The following PGCKA1 variants were observed in gnomAD, a reference collection of about 807,000 sequenced individuals.
PGCKA1 encodes PDCD10 and GCKIII kinases-associated protein 1.
the PGCKA1 span, among the ~76,000 whole-genome samples, chr4:37,566,910 T>G: frequency 6.6e-6 from 1 of 152,042 alleles, no homozygotes; most frequent in Non-Finnish European, 1.5e-5. Flanking sequence ...CAAGTCCTTC[T>G]CTTGAGATGA....
At chr4:37,462,962 CAAAA>C in the PGCKA1 span, among the ~76,000 whole-genome samples, 4 of 60,300 alleles carry the variant, frequency 6.6e-5, no homozygotes, top group African/African-American at 2.8e-4. Context: ...GACTCAGTAT[CAAAA>C]AAAAAAAAAA....
At chr4:37,551,767 A>G in the PGCKA1 span, among the ~76,000 whole-genome samples, 1 of 152,200 alleles carries the variant, frequency 6.6e-6, no homozygotes, top group African/African-American at 2.4e-5. Flanking sequence ...TTATAATAGG[A>G]GTTATAATAG....
the PGCKA1 span, among the ~76,000 whole-genome samples, chr4:37,506,805 T>C: frequency 2.6e-5 from 4 of 152,176 alleles, no homozygotes; most frequent in Non-Finnish European, 5.9e-5. Flanking sequence ...ATTTGGTCTA[T>C]AATGCAGATA....
At chr4:37,511,053 A>T in the PGCKA1 span, among the ~76,000 whole-genome samples, 1 of 151,878 alleles carries the variant, frequency 6.6e-6, no homozygotes, top group African/African-American at 2.4e-5. Context: ...AGGGCTCTTC[A>T]GTCAGCTTGT....
chr4:37,581,072 C>T, the PGCKA1 span, among the ~76,000 whole-genome samples: 1 of 152,140 alleles, frequency 6.6e-6, no homozygotes, highest in Admixed American at 6.5e-5. This position sits in a 1 kb window ranked among gnomAD's most constrained non-coding sequence, Gnocchi z 4.4. Flanking sequence ...TCACTTAAGG[C>T]CCAAGGGCTC....
the PGCKA1 span, among the ~76,000 whole-genome samples, chr4:37,468,248 A>C: frequency 6.6e-6 from 1 of 152,206 alleles, no homozygotes; most frequent in African/African-American, 2.4e-5. Context: ...TATCTCACAG[A>C]GACACAGCCA....
chr4:37,546,017 T>A, the PGCKA1 span, among the ~76,000 whole-genome samples: 12 of 152,156 alleles, frequency 7.9e-5, no homozygotes, highest in Non-Finnish European at 1.8e-4. Context: ...TTGTAGTGGC[T>A]GGGAGAAAAA....
At chr4:37,564,306 G>A in the PGCKA1 span, among the ~76,000 whole-genome samples, 1 of 146,902 alleles carries the variant, frequency 6.8e-6, no homozygotes, top group Non-Finnish European at 1.5e-5. Context: ...AAAAAAAACC[G>A]AATATTCTCG....
chr4:37,566,272 T>TTTTTA, the PGCKA1 span, among the ~76,000 whole-genome samples: 66 of 152,028 alleles, frequency 4.3e-4, no homozygotes, highest in African/African-American at 1.6e-3. Context: ...TGTTCTTTTT[T>TTTTTA]TTTTATTTTA....
chr4:37,576,582 G>A, the PGCKA1 span, among the ~76,000 whole-genome samples: 1 of 152,040 alleles, frequency 6.6e-6, no homozygotes, highest in East Asian at 1.9e-4. Flanking sequence ...TCTTTATGTT[G>A]TCTGATTGCT....
the PGCKA1 span, among the ~76,000 whole-genome samples, chr4:37,488,255 T>C: frequency 3.9e-5 from 6 of 152,206 alleles, no homozygotes; most frequent in Non-Finnish European, 7.4e-5. Context: ...AAAGGCAGTG[T>C]ATTTCCTAAA....
the PGCKA1 span, among the ~76,000 whole-genome samples, chr4:37,501,294 G>A: frequency 6.6e-6 from 1 of 152,110 alleles, no homozygotes; most frequent in Non-Finnish European, 1.5e-5. Context: ...GTGGTGGGCA[G>A]GTGAGCGAGC....
the PGCKA1 span, among the ~76,000 whole-genome samples, chr4:37,523,685 A>G: frequency 6.6e-6 from 1 of 152,156 alleles, no homozygotes; most frequent in African/African-American, 2.4e-5. Flanking sequence ...CATGTACATA[A>G]CATTCCTGTC....
chr4:37,496,389 C>T, the PGCKA1 span, among the ~76,000 whole-genome samples: 610 of 152,238 alleles, frequency 4.0e-3, 6 homozygotes, highest in African/African-American at 0.014. Flanking sequence ...TTTTTGTCAG[C>T]TTTATCAAAG....
At chr4:37,590,088 CTA>C in the PGCKA1 span, 4 of 1,607,314 alleles carry the variant, frequency 2.5e-6, no homozygotes, top group Admixed American at 6.7e-5. Flanking sequence ...TTTCCTGAAG[CTA>C]TCTCTTTGAT....
the PGCKA1 span, among the ~76,000 whole-genome samples, chr4:37,531,891 C>CA: frequency 0.19 from 13,098 of 70,324 alleles, 982 homozygotes; most frequent in East Asian, 0.36. Flanking sequence ...GAATCTGTCT[C>CA]AAAAAAAAAA....
chr4:37,469,582 T>G, the PGCKA1 span, among the ~76,000 whole-genome samples: 1 of 152,156 alleles, frequency 6.6e-6, no homozygotes, highest in Non-Finnish European at 1.5e-5. Context: ...AAGATTGTTG[T>G]GCCCTGGAGG....
At chr4:37,539,578 T>C in the PGCKA1 span, among the ~76,000 whole-genome samples, 23 of 152,158 alleles carry the variant, frequency 1.5e-4, no homozygotes, top group Admixed American at 2.0e-4. Flanking sequence ...GGCTTGAACC[T>C]GGGAGGCAGA....
chr4:37,546,893 G>A, the PGCKA1 span, among the ~76,000 whole-genome samples: 1 of 152,240 alleles, frequency 6.6e-6, no homozygotes, highest in South Asian at 2.1e-4. Context: ...GAAGGAACTG[G>A]CATTTAGAGT....
Sources: allele counts gnomAD v4.1 joint callset (sites outside exome capture counted in the v4.1 genomes callset), GRCh38; gene constraint gnomAD v4.1.1; non-coding constraint Gnocchi (gnomAD v3.1); transcripts MANE v1.5; gene names NCBI Gene and HGNC (gene_info 2026-07-23, HGNC 2026-07-21).